Variants in LRP1B observed in about 807,000 individuals in gnomAD.
The protein encoded by LRP1B is LDL receptor related protein 1B.
In LRP1B, 217 loss-of-function variants were observed where a neutral mutation model predicts 556.6. That is an observed-to-expected ratio of 0.39 (90% CI 0.35 to 0.44). The LOEUF (loss-of-function observed/expected upper bound fraction) is 0.44, where lower values mean the gene tolerates loss of function less well. LRP1B is among the 20% of genes least tolerant of loss of function. LRP1B has a pLI of 1.00. For missense variants in LRP1B, 5,053 were observed against 5,620.8 expected (o/e 0.90, Z 3.23); for synonymous variants, 2,047 against 1,865.8 (o/e 1.10, Z -2.50).
chr2:141,983,858 C>T (rs1194402199), intron 1 of LRP1B, among the ~76,000 whole-genome samples: 1 of 152,058 alleles, frequency 6.6e-6, no homozygotes, highest in Admixed American at 6.6e-5. Context: ...GTCAGGAGTT[C>T]GACACCGGCC....
At chr2:140,669,080 G>A (rs180840021) in intron 41 of LRP1B, among the ~76,000 whole-genome samples, 4 of 152,270 alleles carry the variant, frequency 2.6e-5, no homozygotes, top group East Asian at 3.9e-4. Flanking sequence ...TCACTGTATC[G>A]TTGAGAGAAG....
At chr2:140,769,421 ATTATTT>A in intron 34 of LRP1B, 77 bp from the exon 35 acceptor site, 1 of 1,380,756 alleles carries the variant, frequency 7.2e-7, no homozygotes, top group Admixed American at 2.4e-5. Flanking sequence ...TTTCATTTGT[ATTATTT>A]TTAACAATCT....
intron 86 of LRP1B, 115 bp from the exon 87 acceptor site, chr2:140,247,277 C>G (rs1416671074): frequency 2.9e-6 from 2 of 686,762 alleles, no homozygotes; most frequent in African/African-American, 1.8e-5. Context: ...ATCACAAATT[C>G]ATAAATATTA....
intron 66 of LRP1B, among the ~76,000 whole-genome samples, chr2:140,416,892 C>T (rs766096978): frequency 1.3e-5 from 2 of 152,126 alleles, no homozygotes; most frequent in Non-Finnish European, 2.9e-5. Context: ...GGAAAACCCA[C>T]AAGCTAAAAT....
At chr2:141,332,885 A>T (rs1687709665) in intron 3 of LRP1B, among the ~76,000 whole-genome samples, 1 of 151,146 alleles carries the variant, frequency 6.6e-6, no homozygotes, top group Admixed American at 6.6e-5. Context: ...TTTACTTCAG[A>T]TTTTCTCTTT....
At chr2:141,590,943 C>A (rs1687312203) in intron 2 of LRP1B, among the ~76,000 whole-genome samples, 1 of 152,134 alleles carries the variant, frequency 6.6e-6, no homozygotes, top group Non-Finnish European at 1.5e-5. Context: ...ACAAACATAT[C>A]TTTTTTAAAA....
intron 2 of LRP1B, among the ~76,000 whole-genome samples, chr2:141,607,721 G>A (rs891798851): frequency 2.0e-5 from 3 of 151,960 alleles, no homozygotes; most frequent in South Asian, 2.1e-4. Context: ...TCAGGAGTTC[G>A]AGATCAGCCT....
chr2:140,906,010 C>T (rs1405412323), intron 22 of LRP1B, among the ~76,000 whole-genome samples: 2 of 152,076 alleles, frequency 1.3e-5, no homozygotes, highest in Non-Finnish European at 2.9e-5. Flanking sequence ...TTCTCCTTTT[C>T]CTTATATACA....
intron 5 of LRP1B, among the ~76,000 whole-genome samples, chr2:141,239,283 T>C (rs1683774130): frequency 6.6e-6 from 1 of 152,082 alleles, no homozygotes; most frequent in Admixed American, 6.6e-5. Context: ...GGGAGGTCAC[T>C]GAAGCCCTTG....
chr2:140,252,635 A>G (rs2104910106), intron 86 of LRP1B, among the ~76,000 whole-genome samples: 1 of 152,204 alleles, frequency 6.6e-6, no homozygotes, highest in African/African-American at 2.4e-5. Flanking sequence ...CCAGGCTCTA[A>G]TTTAAATGTA....
intron 2 of LRP1B, among the ~76,000 whole-genome samples, chr2:141,801,421 T>C (rs1025464121): frequency 1.3e-5 from 2 of 152,144 alleles, no homozygotes; most frequent in African/African-American, 4.8e-5. Flanking sequence ...CCTTAAACAC[T>C]GGGATTACAG....
chr2:140,832,280 T>C (rs780798903), intron 31 of LRP1B, among the ~76,000 whole-genome samples: 2 of 152,156 alleles, frequency 1.3e-5, no homozygotes. Context: ...TTTTGGTATA[T>C]GTGGGTGGTC....
At chr2:140,914,555 T>C (rs1694518526) in intron 21 of LRP1B, among the ~76,000 whole-genome samples, 1 of 152,036 alleles carries the variant, frequency 6.6e-6, no homozygotes, top group Non-Finnish European at 1.5e-5. Flanking sequence ...CTAGAGGTGA[T>C]GGTTAAAACT....
intron 2 of LRP1B, among the ~76,000 whole-genome samples, chr2:141,570,255 G>A (rs977732422): frequency 4.0e-5 from 6 of 151,010 alleles, no homozygotes; most frequent in African/African-American, 1.5e-4. Flanking sequence ...CTAGAAGCCT[G>A]GTGTGACCCA....
At chr2:140,973,513 A>G (rs1696500018) in intron 18 of LRP1B, among the ~76,000 whole-genome samples, 1 of 152,078 alleles carries the variant, frequency 6.6e-6, no homozygotes, top group South Asian at 2.1e-4. Flanking sequence ...AACCTAAGAG[A>G]ACTTTTGAAA....
At chr2:141,158,877 T>TA (rs1702132584) in intron 7 of LRP1B, among the ~76,000 whole-genome samples, 1 of 152,178 alleles carries the variant, frequency 6.6e-6, no homozygotes, top group South Asian at 2.1e-4. Context: ...TGGTGAACTG[T>TA]AACTCAGCTG....
chr2:141,447,949 G>A (rs1313754684), intron 3 of LRP1B, among the ~76,000 whole-genome samples: 2 of 152,194 alleles, frequency 1.3e-5, no homozygotes, highest in Non-Finnish European at 2.9e-5. Flanking sequence ...CACTGTGCTG[G>A]GAGATCCGCT....
chr2:141,286,700 A>G, intron 3 of LRP1B: 1 of 446,558 alleles, frequency 2.2e-6, no homozygotes. Flanking sequence ...TTTCATCTGG[A>G]GTTAGTTTTG....
At chr2:141,508,858 G>A (rs1200235101) in intron 2 of LRP1B, among the ~76,000 whole-genome samples, 2 of 151,978 alleles carry the variant, frequency 1.3e-5, no homozygotes, top group African/African-American at 4.8e-5. Flanking sequence ...ATTTCTCATA[G>A]TCAATGGAGG....
Sources: allele counts gnomAD v4.1 joint callset (sites outside exome capture counted in the v4.1 genomes callset), GRCh38; gene constraint gnomAD v4.1.1; transcripts MANE v1.5; gene names NCBI Gene and HGNC (gene_info 2026-07-23, HGNC 2026-07-21).